JARID2: variants seen among roughly 807,000 people sequenced by gnomAD.
JARID2 encodes the protein protein Jumonji.
Under a neutral mutation model 125.6 loss-of-function variants are expected in JARID2, and 21 were observed. The ratio of observed to expected loss-of-function variants is 0.17; its 90% CI spans 0.12 to 0.24. The LOEUF is 0.24. Among genes scored for constraint, JARID2 ranks in the 10% least tolerant of loss-of-function variants. The pLI is 1.00. For synonymous variants in JARID2, 736 were observed against 661.6 expected (o/e 1.11, Z -1.73); for missense variants, 1,303 against 1,639.6 (o/e 0.79, Z 3.55).
chr6:15,512,356 C>G lies in JARID2; in HGVS notation c.3101C>G (p.Thr1034Ser). 6.2e-7 allele frequency: 1 copy of G among 1,614,188 alleles called. No homozygotes were observed. Among genetic ancestry groups the G allele is most frequent in the South Asian group, 1.1e-5 (1 of 91,080 alleles). ...TCTGAAACCGTGCACTTTGCTACCA[C>G]CCAGTGGACAAGTATGGGCTTTGAG... is the stretch of plus-strand genomic sequence containing the variant. ...SVSETVHFATTQWTSMGFETA... is the reference protein window; with the variant it reads ...SVSETVHFATSQWTSMGFETA... Residue 1034 changes from threonine to serine, a missense_variant, in exon 14 of 18, where the codon ACC (threonine) becomes AGC (serine). This residue lies in a region of JARID2 where 190 missense variants were observed against 341.4 expected (regional missense o/e 0.56). Coordinates refer to ENST00000341776, the MANE Select transcript of JARID2 (RefSeq NM_004973.4).
chr6:15,514,333 T>TC (rs1423778388), intron 16 of JARID2, among the ~76,000 whole-genome samples: 1 of 152,182 alleles, frequency 6.6e-6, no homozygotes, highest in Admixed American at 6.5e-5. Context: ...CTGACCTGCC[T>TC]CCCCGGGCCT....
intron 6 of JARID2, among the ~76,000 whole-genome samples, 192 bp from the exon 7 acceptor site, chr6:15,495,940 T>C (rs1394409106): frequency 1.3e-5 from 2 of 152,220 alleles, no homozygotes; most frequent in Non-Finnish European, 2.9e-5. Flanking sequence ...AAAGTGGACA[T>C]CGCTGCTTAA....
chr6:15,359,807 G>T (rs942631449), intron 1 of JARID2, among the ~76,000 whole-genome samples: 1 of 151,294 alleles, frequency 6.6e-6, no homozygotes, highest in Admixed American at 6.6e-5. Context: ...CTGTCTCGGC[G>T]TCCTGAGTAG....
chr6:15,305,146 C>T (rs771302516), intron 1 of JARID2, among the ~76,000 whole-genome samples: 9 of 152,122 alleles, frequency 5.9e-5, no homozygotes, highest in Non-Finnish European at 1.2e-4. Flanking sequence ...AGGAAGTTGT[C>T]AAAGGCCTTC....
intron 1 of JARID2, among the ~76,000 whole-genome samples, chr6:15,334,807 A>C (rs1302504221): frequency 6.6e-6 from 1 of 152,222 alleles, no homozygotes; most frequent in East Asian, 1.9e-4. Flanking sequence ...GGGAGATTCT[A>C]GTTCCTGTTC....
intron 1 of JARID2, among the ~76,000 whole-genome samples, chr6:15,356,026 CTT>C (rs1320732750): frequency 6.6e-6 from 1 of 152,192 alleles, no homozygotes; most frequent in Non-Finnish European, 1.5e-5. Context: ...TATTTTCTGT[CTT>C]TGTGGGTTGG....
At chr6:15,427,760 CGTGA>C (rs1766793212) in intron 3 of JARID2, among the ~76,000 whole-genome samples, 1 of 151,930 alleles carries the variant, frequency 6.6e-6, no homozygotes, top group East Asian at 1.9e-4. Context: ...TGGCATCTTA[CGTGA>C]AAGGCACTAG....
In JARID2 at chr6:15,439,793, G is replaced by A. The variant is rs541970646; in HGVS notation, c.324-12213G>A. 2.0e-5 allele frequency among the ~76,000 whole-genome samples: 3 copies of A among 152,286 alleles called. No homozygotes were observed. The East Asian group carries it at 5.8e-4, about 29-fold the overall frequency. On this transcript the variant is annotated intron_variant, in intron 3 of 17. Coordinates refer to ENST00000341776, the MANE Select transcript of JARID2 (RefSeq NM_004973.4). ...TAACAAGCCAGCTTCATTGGATGAG[G>A]AGAAGGGCTTGTTTTGATTTCCTCA...
chr6:15,267,833 G>A (rs1760146551), intron 1 of JARID2, among the ~76,000 whole-genome samples: 1 of 152,106 alleles, frequency 6.6e-6, no homozygotes, highest in Non-Finnish European at 1.5e-5. Flanking sequence ...CTGAGGATGT[G>A]TTTGTGTTGC....
At chr6:15,399,985 C>T (rs762885138) in intron 2 of JARID2, among the ~76,000 whole-genome samples, 1 of 152,194 alleles carries the variant, frequency 6.6e-6, no homozygotes, top group South Asian at 2.1e-4. Flanking sequence ...AAAGCTATAA[C>T]ATATGAAAGG....
At chr6:15,464,316 T>C (rs1329199541) in intron 4 of JARID2, among the ~76,000 whole-genome samples, 1 of 152,218 alleles carries the variant, frequency 6.6e-6, no homozygotes, top group Admixed American at 6.5e-5. Context: ...GACAGAGCAA[T>C]GGCATGTGCA....
At chr6:15,437,212 C>A (rs1449124334) in intron 3 of JARID2, among the ~76,000 whole-genome samples, 1 of 152,156 alleles carries the variant, frequency 6.6e-6, no homozygotes, top group Non-Finnish European at 1.5e-5. Context: ...ATGGCAGTCT[C>A]CACTGACTCC....
At chr6:15,409,806 C>A (rs1027341951) in intron 2 of JARID2, among the ~76,000 whole-genome samples, 7 of 152,156 alleles carry the variant, frequency 4.6e-5, no homozygotes, top group Admixed American at 4.6e-4. Flanking sequence ...GTGGCAGGTA[C>A]TGGTTCCTGC....
intron 1 of JARID2, among the ~76,000 whole-genome samples, chr6:15,277,342 T>G (rs188155502): frequency 3.2e-3 from 490 of 152,294 alleles, no homozygotes; most frequent in Non-Finnish European, 3.9e-3. Flanking sequence ...CAGGCTGGTT[T>G]GGAACTCCTG....
In JARID2 at chr6:15,415,719, C is replaced by T. The variant is rs867419466; in HGVS notation, c.323+5354C>T. 6.1e-3 allele frequency among the ~76,000 whole-genome samples: 850 copies of T among 139,114 alleles called. 9 individuals carry two copies. The highest frequency in any genetic ancestry group is 0.022 in the African/African-American group (801 of 36,306). 91.3% of individuals were successfully genotyped at this position (139,114 alleles called of 152,430 possible). ...CTGACCCCCCCACCTCCTTCCCGGA[C>T]GGGGCGGCTGGCCAGGCGGAGGGGC... On this transcript the variant is annotated intron_variant, in intron 3 of 17. Coordinates refer to ENST00000341776, the MANE Select transcript of JARID2 (RefSeq NM_004973.4).
At chr6:15,347,638 A>G (rs746709174) in intron 1 of JARID2, among the ~76,000 whole-genome samples, 15 of 152,226 alleles carry the variant, frequency 9.9e-5, no homozygotes, top group Non-Finnish European at 1.8e-4. Flanking sequence ...TTTAAAAAGT[A>G]GAATTCTGTT....
rs529224268 is a variant in JARID2, at chr6:15,274,206, A to G, written c.45+27622A>G. Among the ~76,000 whole-genome samples, 422 of 152,312 alleles carry G rather than the reference A, an allele frequency of 2.8e-3. 2 individuals are homozygous for G. The highest frequency in any genetic ancestry group is 9.7e-3 in the African/African-American group (403 of 41,566). ...TGGCCTCCCAAAGTGCTGGGATTAC[A>G]GGTGTGAGCCACTGTGCCTGGCCTG... On this transcript the variant is annotated intron_variant, in intron 1 of 17. Coordinates refer to ENST00000341776, the MANE Select transcript of JARID2 (RefSeq NM_004973.4).
chr6:15,253,338 C>T (rs151274581), intron 1 of JARID2, among the ~76,000 whole-genome samples: 3 of 152,316 alleles, frequency 2.0e-5, no homozygotes, highest in African/African-American at 4.8e-5. Context: ...GTTGGAATTA[C>T]AGGCGTGAGC....
chr6:15,398,040 T>G (rs752750486), intron 2 of JARID2, among the ~76,000 whole-genome samples: 1 of 152,212 alleles, frequency 6.6e-6, no homozygotes, highest in Non-Finnish European at 1.5e-5. Flanking sequence ...AACTTGATGT[T>G]GAGTTGGAAA....
Sources: allele counts gnomAD v4.1 joint callset (sites outside exome capture counted in the v4.1 genomes callset), GRCh38; gene constraint gnomAD v4.1.1; regional missense constraint gnomAD v4.1.1; transcripts MANE v1.5; gene names NCBI Gene and HGNC (gene_info 2026-07-23, HGNC 2026-07-21).